The following ATE1 variants were observed in gnomAD, a reference collection of about 807,000 sequenced individuals.
The protein encoded by ATE1 is arginyl-tRNA--protein transferase 1.
In ATE1, 36 loss-of-function variants were observed where a neutral mutation model predicts 70.5. The ratio of observed to expected loss-of-function variants is 0.51; its 90% CI spans 0.39 to 0.67. The LOEUF (loss-of-function observed/expected upper bound fraction) is 0.67. Among genes scored for constraint, ATE1 ranks in the 30% least tolerant of loss-of-function variants. The pLI is 0.00. For synonymous variants in ATE1, 232 were observed against 219.3 expected, an observed-to-expected ratio of 1.06 and a Z score of -0.51; for missense variants, 593 against 629.5, an observed-to-expected ratio of 0.94 and a Z score of 0.62.
intron 10 of ATE1, among the ~76,000 whole-genome samples, chr10:121,817,304 G>A (rs1018771819): frequency 6.6e-6 from 1 of 152,110 alleles, no homozygotes; most frequent in African/African-American, 2.4e-5. Flanking sequence ...ACTTTGGGAG[G>A]CCAAGGCGGG....
rs116156138 is a variant in ATE1, at chr10:121,783,134, A to G, written c.1378+7035T>C. Among the ~76,000 whole-genome samples the G allele has an allele frequency of 8.8e-3, 1,346 of 152,266 alleles. 20 individuals are homozygous for G. Among genetic ancestry groups the G allele is most frequent in the African/African-American group, 0.031 (1,289 of 41,524 alleles). On this transcript the variant is annotated intron_variant, in intron 11 of 11. Coordinates refer to ENST00000224652, the MANE Select transcript of ATE1 (RefSeq NM_001001976.3). ...ATACCTATGTTTTTTACTTTCATCA[A>G]AATAAAATATCCTTGTGAGGTAGTT... is the stretch of plus-strand genomic sequence containing the variant.
chr10:121,780,548 C>T (rs946443499), intron 11 of ATE1, among the ~76,000 whole-genome samples: 1 of 152,216 alleles, frequency 6.6e-6, no homozygotes, highest in Non-Finnish European at 1.5e-5. Context: ...ACACATCTGC[C>T]AAAGCGCACT....
chr10:121,912,196 GA>G (rs1951466814), intron 4 of ATE1, among the ~76,000 whole-genome samples: 1 of 151,962 alleles, frequency 6.6e-6, no homozygotes, highest in Non-Finnish European at 1.5e-5. Context: ...GGCCCCGAAA[GA>G]AACAGACTTT....
At chr10:121,756,274 G>A (rs1314663390) in intron 11 of ATE1, among the ~76,000 whole-genome samples, 1 of 152,220 alleles carries the variant, frequency 6.6e-6, no homozygotes, top group Non-Finnish European at 1.5e-5. Context: ...GTCTTGGGCA[G>A]CTCCGCCCCT....
In ATE1 at chr10:121,893,170, G is replaced by A. The variant is rs530526930; in HGVS notation, c.942+6696C>T. On this transcript the variant is annotated intron_variant, in intron 7 of 11. Transcript: ENST00000224652. ...CACACACATGTAGTCCCAGCTACTC[G>A]GGAGGCTAAGGCAGGAGAATTGCTT... is the stretch of plus-strand genomic sequence containing the variant. Among the ~76,000 whole-genome samples the A allele has an allele frequency of 5.3e-5, 8 of 151,782 alleles. No individual in the cohort carries two copies. The South Asian group carries it at 6.3e-4, about 12-fold the overall frequency.
intron 10 of ATE1, among the ~76,000 whole-genome samples, chr10:121,835,284 C>T (rs1253694326): frequency 6.6e-6 from 1 of 152,068 alleles, no homozygotes; most frequent in Admixed American, 6.6e-5. Context: ...CCTGGACTGT[C>T]AATGTAAAAC....
intron 1 of ATE1, chr10:121,927,459 G>A (rs1285563620): frequency 1.0e-6 from 1 of 984,840 alleles, no homozygotes; most frequent in East Asian, 1.1e-4. Flanking sequence ...CCTCTGCACC[G>A]CGTTTCGCCC....
intron 7 of ATE1, among the ~76,000 whole-genome samples, chr10:121,897,781 G>A (rs1363737982): frequency 6.0e-5 from 9 of 149,992 alleles, no homozygotes; most frequent in Admixed American, 5.4e-4. Flanking sequence ...AGCAGAGATT[G>A]CGCCACTGCA....
In ATE1 at chr10:121,742,759, T is replaced by C. The variant is rs1944189811; in HGVS notation, c.*921A>G. The C allele has an allele frequency of 6.6e-6, 1 of 152,258 alleles. No individual in the cohort carries two copies. The highest frequency in any genetic ancestry group is 2.4e-5 in the African/African-American group (1 of 41,470). The allele number at this position is 152,258 out of a possible 1,614,324, so 9.4% of individuals were successfully genotyped here. ...GAACAGAGGTCGGAATGATTCCTTC[T>C]TCAATGTGATTTGTGGCATAACTAT... On this transcript the variant is annotated 3_prime_UTR_variant, in exon 12 of 12. Transcript: ENST00000224652.
chr10:121,911,875 T>C (rs1951450068), intron 4 of ATE1, among the ~76,000 whole-genome samples: 2 of 152,022 alleles, frequency 1.3e-5, no homozygotes, highest in African/African-American at 2.4e-5. Flanking sequence ...GCCTCCCAAG[T>C]AGCTGGGACC....
At chr10:121,766,586 A>C (rs770596005) in intron 11 of ATE1, among the ~76,000 whole-genome samples, 4 of 152,090 alleles carry the variant, frequency 2.6e-5, no homozygotes, top group Non-Finnish European at 5.9e-5. Flanking sequence ...CTGAAAAGCC[A>C]ACACACACAG....
intron 3 of ATE1, among the ~76,000 whole-genome samples, chr10:121,919,761 A>C (rs1951807421): frequency 6.6e-6 from 1 of 151,962 alleles, no homozygotes; most frequent in African/African-American, 2.4e-5. Context: ...AACCAGGCCT[A>C]GCGGTGGGCA....
At chr10:121,926,553 CATTT>C (rs1289570206) in intron 1 of ATE1, among the ~76,000 whole-genome samples, 6 of 152,132 alleles carry the variant, frequency 3.9e-5, no homozygotes, top group Non-Finnish European at 8.8e-5. Context: ...AAATACAAGA[CATTT>C]ATGTTAGCCA....
chr10:121,856,433 G>A (rs1949252562), intron 8 of ATE1, among the ~76,000 whole-genome samples: 1 of 152,154 alleles, frequency 6.6e-6, no homozygotes, highest in Non-Finnish European at 1.5e-5. Flanking sequence ...AGGAGGCTGA[G>A]GCAGGAGAAT....
chr10:121,805,494 T>C (rs1329686272), intron 10 of ATE1, among the ~76,000 whole-genome samples: 5 of 152,160 alleles, frequency 3.3e-5, no homozygotes, highest in African/African-American at 4.8e-5. Context: ...GATAAAGAGA[T>C]TGAGTCTTAT....
At chr10:121,756,877 T>C (rs966392848) in intron 11 of ATE1, among the ~76,000 whole-genome samples, 1 of 152,168 alleles carries the variant, frequency 6.6e-6, no homozygotes, top group Admixed American at 6.5e-5. Context: ...CTGGAGATAT[T>C]TTCCCCCACC....
chr10:121,880,729 T>C (rs1205777226), intron 7 of ATE1, among the ~76,000 whole-genome samples: 1 of 152,132 alleles, frequency 6.6e-6, no homozygotes, highest in Non-Finnish European at 1.5e-5. Flanking sequence ...GAAAATCAAC[T>C]GCTTTTTAAT....
At chr10:121,834,815 G>C (rs1433815419) in intron 10 of ATE1, among the ~76,000 whole-genome samples, 18 of 152,168 alleles carry the variant, frequency 1.2e-4, no homozygotes, top group Admixed American at 1.2e-3. Flanking sequence ...TGTGAGACTG[G>C]AACGGCCATC....
At chr10:121,797,186 C>T (rs1284174382) in intron 10 of ATE1, among the ~76,000 whole-genome samples, 1 of 152,150 alleles carries the variant, frequency 6.6e-6, no homozygotes, top group Non-Finnish European at 1.5e-5. Flanking sequence ...TAAAACACAG[C>T]AAACAACACT....
Sources: gnomAD v4.1 joint callset for allele counts (sites outside exome capture counted in the v4.1 genomes callset) on GRCh38, gnomAD v4.1.1 for gene constraint, MANE v1.5 for transcripts, NCBI Gene and HGNC (gene_info 2026-07-23, HGNC 2026-07-21) for gene names.